MTMR3: variants seen among roughly 807,000 people sequenced by gnomAD.
The protein encoded by MTMR3 is myotubularin related protein 3, also known as phosphatidylinositol-3,5-bisphosphate 3-phosphatase MTMR3.
Under a neutral mutation model 132.4 loss-of-function variants are expected in MTMR3, and 32 were observed. The observed-to-expected ratio is 0.24, with a 90% CI of 0.18 to 0.32. The LOEUF (loss-of-function observed/expected upper bound fraction) is 0.32. Ranked by LOEUF, MTMR3 falls within the 10% of genes least tolerant of loss-of-function variation. The pLI, the probability that MTMR3 is intolerant of heterozygous loss-of-function variation, is 1.00. For missense variants in MTMR3, 1,216 were observed against 1,489.6 expected (o/e 0.82, Z 3.02); for synonymous variants, 556 against 550.3 (o/e 1.01, Z -0.14).
chr22:29,897,389 A>G (rs1447092804), intron 1 of MTMR3, among the ~76,000 whole-genome samples: 1 of 152,074 alleles, frequency 6.6e-6, no homozygotes, highest in African/African-American at 2.4e-5. Context: ...CAGTAGATTT[A>G]ATAGATGCTG....
Position 29,943,798 on chromosome 22 carries a change from G to C in MTMR3, c.-137-13238G>C, listed in dbSNP as rs575973962. ...CCCCCAAACCCCACCCCCAATGCCA[G>C]CTCCTTCATGTGGACAACTTTTTTT... is the stretch of plus-strand genomic sequence containing the variant. On this transcript the variant is annotated intron_variant, in intron 1 of 19. Transcript: ENST00000401950. 4.2e-3 allele frequency among the ~76,000 whole-genome samples: 300 copies of C among 71,912 alleles called. 4 individuals are homozygous for C. The highest frequency in any genetic ancestry group is 0.016 in the African/African-American group (286 of 17,644). The allele number at this position is 71,912 out of a possible 152,430, so 47.2% of individuals were successfully genotyped here.
At chr22:30,010,703 G>A (rs546105107) in intron 12 of MTMR3, 16 of 152,252 alleles carry the variant, frequency 1.1e-4, no homozygotes, top group South Asian at 1.0e-3. Flanking sequence ...ACCTCACACC[G>A]GTTCTCTTGT....
chr22:30,008,962 C>A, intron 11 of MTMR3, 56 bp from the exon 12 acceptor site: 2 of 1,229,240 alleles, frequency 1.6e-6, no homozygotes, highest in Non-Finnish European at 2.4e-6. Context: ...TTAAATTTGG[C>A]CATGTGGGCT....
At chr22:29,950,548 G>T (rs2066055646) in intron 1 of MTMR3, among the ~76,000 whole-genome samples, 1 of 151,882 alleles carries the variant, frequency 6.6e-6, no homozygotes, top group Non-Finnish European at 1.5e-5. Flanking sequence ...ATTTTTAGTA[G>T]AGACGGGGTT....
At chr22:30,003,758 G>A (rs1176167243) in intron 9 of MTMR3, 1 of 152,206 alleles carries the variant, frequency 6.6e-6, no homozygotes, top group Non-Finnish European at 1.5e-5. Flanking sequence ...AATCTCTTGA[G>A]TGCTGCTTTT....
At position 29,900,413 on chromosome 22, in the gene MTMR3, T is replaced by C. The variant is rs533382858; in HGVS notation, c.-138+17054T>C. ...AGGAATATAGAGTACTGTTGCTAAATAGGTCTTTATTTAGGCCATTGAATT... is the reference window on the plus strand; with the variant it reads ...AGGAATATAGAGTACTGTTGCTAAACAGGTCTTTATTTAGGCCATTGAATT... On this transcript the variant is annotated intron_variant, in intron 1 of 19. Coordinates refer to ENST00000401950, the MANE Select transcript of MTMR3 (RefSeq NM_021090.4). 6.6e-5 allele frequency among the ~76,000 whole-genome samples: 10 copies of C among 152,338 alleles called. No homozygotes were observed. In the South Asian group the frequency reaches 1.9e-3, roughly 28 times the overall value.
At chr22:29,926,141 C>T (rs1197207556) in intron 1 of MTMR3, among the ~76,000 whole-genome samples, 7 of 152,150 alleles carry the variant, frequency 4.6e-5, no homozygotes, top group Non-Finnish European at 7.3e-5. Flanking sequence ...TAGAACCGTA[C>T]ATGTGGCCTT....
At chr22:29,949,457 C>T (rs1349617776) in intron 1 of MTMR3, among the ~76,000 whole-genome samples, 4 of 150,764 alleles carry the variant, frequency 2.7e-5, no homozygotes, top group Non-Finnish European at 5.9e-5. Flanking sequence ...GATCATGCCA[C>T]TGCACTCAAG....
intron 1 of MTMR3, among the ~76,000 whole-genome samples, chr22:29,932,623 A>T (rs540941182): frequency 6.0e-4 from 91 of 152,258 alleles, no homozygotes; most frequent in Admixed American, 1.8e-3. Context: ...AACATTTTTT[A>T]AAAAAATGTG....
rs549138100 is a variant in MTMR3, at chr22:29,950,737, A to G, written c.-137-6299A>G. Among the ~76,000 whole-genome samples the G allele has an allele frequency of 2.2e-5, 3 of 138,160 alleles. No individual in the cohort carries two copies. The East Asian group carries it at 5.8e-4, about 27-fold the overall frequency. 90.6% of individuals were successfully genotyped at this position (138,160 alleles called of 152,430 possible). A position where few individuals can be genotyped will look rare whatever the true frequency, so the allele number is the denominator to read the frequency against. On this transcript the variant is annotated intron_variant, in intron 1 of 19. Coordinates refer to ENST00000401950, the MANE Select transcript of MTMR3 (RefSeq NM_021090.4). The stretch of plus-strand genomic sequence containing the variant: ...TAGATTTTAAACTCTTAATTTCTAT[A>G]GTAAAATAATGCCTACCTTGTGATA...
At chr22:29,978,393 T>C (rs1217589164) in intron 3 of MTMR3, 49 bp from the exon 4 acceptor site, 1 of 1,483,168 alleles carries the variant, frequency 6.7e-7, no homozygotes, top group Admixed American at 1.8e-5. Context: ...AAACCAAATA[T>C]GAATGATTAG....
intron 1 of MTMR3, among the ~76,000 whole-genome samples, chr22:29,920,332 A>G (rs1396416155): frequency 6.6e-6 from 1 of 152,134 alleles, no homozygotes; most frequent in Non-Finnish European, 1.5e-5. Flanking sequence ...ACTGTATATT[A>G]TGCTAATTAA....
chr22:29,976,827 A>G (rs912830113), intron 3 of MTMR3, among the ~76,000 whole-genome samples: 1 of 152,212 alleles, frequency 6.6e-6, no homozygotes, highest in African/African-American at 2.4e-5. Context: ...GGTTGCTGTT[A>G]GTAAAACCTT....
intron 1 of MTMR3, among the ~76,000 whole-genome samples, chr22:29,934,540 A>G (rs967342243): frequency 6.6e-6 from 1 of 152,164 alleles, no homozygotes; most frequent in Non-Finnish European, 1.5e-5. Context: ...TAATATAAAA[A>G]TCTACACTAA....
chr22:29,964,340 T>G (rs981272323), intron 2 of MTMR3, among the ~76,000 whole-genome samples: 1 of 152,208 alleles, frequency 6.6e-6, no homozygotes, highest in Non-Finnish European at 1.5e-5. Flanking sequence ...TTTGTTTGTT[T>G]GTTTGTTTGT....
intron 1 of MTMR3, among the ~76,000 whole-genome samples, chr22:29,907,158 T>TGGGAGGCCAAGGCGGGTGGATC (rs1253131994): frequency 1.1e-4 from 16 of 151,922 alleles, no homozygotes; most frequent in African/African-American, 3.6e-4. Flanking sequence ...CCCAGCACTT[T>TGGGAGGCCAAGGCGGGTGGATC]GGGAGGCCAA....
intron 7 of MTMR3, chr22:29,997,180 C>G (rs1441435934): frequency 2.0e-5 from 3 of 152,132 alleles, no homozygotes; most frequent in Non-Finnish European, 4.4e-5. Context: ...TTTCTTCTTG[C>G]ACCTCATATT....
chr22:29,986,502 G>GTTT (rs57076001), intron 5 of MTMR3: 75 of 712,810 alleles, frequency 1.1e-4, no homozygotes, highest in East Asian at 2.7e-4. Flanking sequence ...AGGTTTGTTT[G>GTTT]TTTTTTTTTT....
intron 1 of MTMR3, among the ~76,000 whole-genome samples, chr22:29,892,857 C>T (rs1276016301): frequency 6.6e-6 from 1 of 152,202 alleles, no homozygotes; most frequent in Non-Finnish European, 1.5e-5. Context: ...GGCCACATAT[C>T]TCTTTTTACC....
Sources: allele counts gnomAD v4.1 joint callset (sites outside exome capture counted in the v4.1 genomes callset), GRCh38; gene constraint gnomAD v4.1.1; transcripts MANE v1.5; gene names NCBI Gene and HGNC (gene_info 2026-07-23, HGNC 2026-07-21).